GRID1: variants seen among roughly 807,000 people sequenced by gnomAD.
GRID1 encodes glutamate receptor ionotropic, delta-1.
GRID1 carries 28 observed loss-of-function variants against 98.0 expected under a neutral mutation model. That is an observed-to-expected ratio of 0.29 (90% CI 0.21 to 0.39). GRID1 has a LOEUF of 0.39. GRID1 is among the 10% of genes least tolerant of loss of function. The pLI is 1.00. For missense variants in GRID1, 1,111 were observed against 1,340.5 expected, an observed-to-expected ratio of 0.83 and a Z score of 2.67; for synonymous variants, 553 against 538.5, an observed-to-expected ratio of 1.03 and a Z score of -0.37.
intron 8 of GRID1, among the ~76,000 whole-genome samples, chr10:85,794,235 A>G (rs570350572): frequency 6.6e-6 from 1 of 152,336 alleles, no homozygotes; most frequent in South Asian, 2.1e-4. Flanking sequence ...TTTAAATATC[A>G]ACTCTGTTAT....
intron 5 of GRID1, among the ~76,000 whole-genome samples, chr10:85,876,791 G>A (rs539915391): frequency 1.1e-4 from 17 of 152,312 alleles, no homozygotes; most frequent in South Asian, 4.1e-4. Flanking sequence ...TGTGCCAGCC[G>A]AAGGAGGGCG....
At chr10:85,835,823 T>C (rs1842907515) in intron 8 of GRID1, among the ~76,000 whole-genome samples, 1 of 152,160 alleles carries the variant, frequency 6.6e-6, no homozygotes, top group South Asian at 2.1e-4. Flanking sequence ...ACTGATATCA[T>C]ACAGAGTATG....
chr10:85,615,742 C>CAACTCCGTGGCTACATGTCTGCCT (rs1842780920), intron 14 of GRID1, among the ~76,000 whole-genome samples: 1 of 152,206 alleles, frequency 6.6e-6, no homozygotes, highest in Non-Finnish European at 1.5e-5. Context: ...CATGTCGGGC[C>CAACTCCGTGGCTACATGTCTGCCT]AACTCCGTGG....
intron 2 of GRID1, among the ~76,000 whole-genome samples, chr10:86,297,465 C>A (rs761023059): frequency 2.6e-5 from 4 of 151,976 alleles, no homozygotes; most frequent in Admixed American, 6.6e-5. Context: ...AGAAAATAAA[C>A]GGTGGAGAGA....
At chr10:86,184,622 G>A (rs952787076) in intron 3 of GRID1, among the ~76,000 whole-genome samples, 2 of 151,890 alleles carry the variant, frequency 1.3e-5, no homozygotes, top group Non-Finnish European at 2.9e-5. Context: ...CTCTTCCAGT[G>A]ATCTATCTCT....
chr10:85,774,586 G>C (rs1165470831), intron 8 of GRID1, among the ~76,000 whole-genome samples: 1 of 151,866 alleles, frequency 6.6e-6, no homozygotes, highest in Non-Finnish European at 1.5e-5. Flanking sequence ...TCTGACAAAG[G>C]GCTAATATCC....
chr10:85,901,074 C>T (rs1841377576), intron 5 of GRID1, among the ~76,000 whole-genome samples: 2 of 151,996 alleles, frequency 1.3e-5, no homozygotes, highest in African/African-American at 2.4e-5. Context: ...AATGCTGCGA[C>T]GCGGATTCAT....
intron 2 of GRID1, among the ~76,000 whole-genome samples, chr10:86,332,524 A>G (rs569517039): frequency 6.8e-4 from 103 of 151,970 alleles, no homozygotes; most frequent in African/African-American, 2.4e-3. Flanking sequence ...TGCCTTCCCC[A>G]GGTGAAGATC....
chr10:86,052,252 G>A (rs1284954669), intron 4 of GRID1, among the ~76,000 whole-genome samples: 1 of 152,094 alleles, frequency 6.6e-6, no homozygotes, highest in Non-Finnish European at 1.5e-5. Flanking sequence ...ACTCTTATCT[G>A]CTTATAATTA....
At chr10:86,132,372 A>G (rs1395952493) in intron 4 of GRID1, among the ~76,000 whole-genome samples, 2 of 152,206 alleles carry the variant, frequency 1.3e-5, no homozygotes, top group Non-Finnish European at 2.9e-5. Context: ...ATCTGAACAA[A>G]ATCTAGAAAC....
chr10:85,626,748 T>C (rs1045932913), intron 13 of GRID1, among the ~76,000 whole-genome samples: 2 of 152,146 alleles, frequency 1.3e-5, no homozygotes, highest in Admixed American at 6.6e-5. Flanking sequence ...CTGGCTACAG[T>C]GTTACCTGTA....
intron 3 of GRID1, among the ~76,000 whole-genome samples, chr10:86,204,117 G>A (rs949106318): frequency 2.0e-5 from 3 of 152,164 alleles, no homozygotes; most frequent in Non-Finnish European, 4.4e-5. Flanking sequence ...AAGAAGAGGG[G>A]TGGGGGAGTG....
At chr10:85,789,305 C>T (rs529576932) in intron 8 of GRID1, among the ~76,000 whole-genome samples, 5 of 152,278 alleles carry the variant, frequency 3.3e-5, no homozygotes, top group South Asian at 4.1e-4. Context: ...TACCGCCATC[C>T]GTGTGCAGGC....
intron 4 of GRID1, among the ~76,000 whole-genome samples, chr10:85,943,381 A>G (rs1842018661): frequency 6.6e-6 from 1 of 152,196 alleles, no homozygotes; most frequent in Non-Finnish European, 1.5e-5. Flanking sequence ...AAATAATAAA[A>G]TATCTATACT....
At chr10:86,353,948 G>T (rs1393241219) in intron 2 of GRID1, among the ~76,000 whole-genome samples, 6 of 152,216 alleles carry the variant, frequency 3.9e-5, no homozygotes, top group African/African-American at 1.2e-4. Flanking sequence ...TGGGAGGGGG[G>T]CTCGGCCCAG....
chr10:85,898,101 C>T (rs1373486842), intron 5 of GRID1, among the ~76,000 whole-genome samples: 1 of 152,180 alleles, frequency 6.6e-6, no homozygotes, highest in Non-Finnish European at 1.5e-5. Context: ...TATGGCATAG[C>T]CTACTGTTCT....
chr10:86,213,545 G>T (rs532521366), intron 2 of GRID1, among the ~76,000 whole-genome samples: 1 of 152,198 alleles, frequency 6.6e-6, no homozygotes, highest in Non-Finnish European at 1.5e-5. Flanking sequence ...TCCTAAGGCT[G>T]GTCCCTGCTC....
intron 2 of GRID1, among the ~76,000 whole-genome samples, chr10:86,281,396 G>A (rs1203795055): frequency 6.6e-6 from 1 of 152,182 alleles, no homozygotes; most frequent in East Asian, 1.9e-4. Context: ...AAGGTGGGCT[G>A]GCTCTTCAGG....
At chr10:85,667,316 CAGAGAGAG>C (rs5786718) in intron 12 of GRID1, among the ~76,000 whole-genome samples, 16 of 148,904 alleles carry the variant, frequency 1.1e-4, no homozygotes, top group Admixed American at 6.1e-4. Context: ...CACACACACA[CAGAGAGAG>C]AGAGAGAGAG....
Sources: allele counts gnomAD v4.1 joint callset (sites outside exome capture counted in the v4.1 genomes callset), GRCh38; gene constraint gnomAD v4.1.1; transcripts MANE v1.5; gene names NCBI Gene and HGNC (gene_info 2026-07-23, HGNC 2026-07-21).